The following RPS19 variants were observed in gnomAD, a reference collection of about 807,000 sequenced individuals.
RPS19 encodes the protein ribosomal protein S19, also known as small ribosomal subunit protein eS19.
Under a neutral mutation model 20.3 loss-of-function variants are expected in RPS19, and 1 was observed. That is an observed-to-expected ratio of 0.05 (90% confidence interval 0.02 to 0.23). The LOEUF (loss-of-function observed/expected upper bound fraction) is 0.23, where lower values mean the gene tolerates loss of function less well. RPS19 is among the 10% of genes least tolerant of loss of function. The probability of loss-of-function intolerance (pLI) is 1.00; values close to 1 mark genes in which losing one functional copy is unlikely to be tolerated. For missense variants in RPS19, 111 were observed against 192.7 expected (o/e 0.58, Z 2.51); for synonymous variants, 87 against 74.8 (o/e 1.16, Z -0.84).
chr19:41,860,410 G>T (rs1600607054), intron 1 of RPS19, 121 bp downstream of exon 1: 1 of 224,372 alleles, frequency 4.5e-6, no homozygotes. Context: ...CCCTAGAGCC[G>T]CGGCCACGTG....
At chr19:41,860,374 G>A (rs529714691) in intron 1 of RPS19, 85 bp downstream of exon 1, 1,790 of 159,662 alleles carry the variant, frequency 0.011, 33 homozygotes, top group African/African-American at 0.036. Context: ...AGGGCCCCGA[G>A]GCGCCCGGCG....
At position 41,869,130 on chromosome 19, in the gene RPS19, A is replaced by G; in HGVS notation, c.272A>G (p.His91Arg). ...GRQRNGVMPS[H>R]FSRGSKSVAR... The stretch of plus-strand genomic sequence containing the variant: ...CAGAGAAACGGCGTCATGCCCAGCC[A>G]CTTCAGCCGAGGCTCCAAGAGTGTG... The change falls in exon 4 of 6, where the codon CAC becomes CGC. Residue 91 changes from histidine to arginine, a missense_variant. Physicochemically the swap from His to Arg is conservative, Grantham distance 29. Transcript: ENST00000598742. 6.2e-7 allele frequency: 1 copy of G among 1,613,908 alleles called. No individual in the cohort carries two copies. Among genetic ancestry groups the G allele is most frequent in the Non-Finnish European group, 8.5e-7 (1 of 1,179,894 alleles).
chr19:41,861,233 G>A, intron 3 of RPS19, 21 bp downstream of exon 3: 1 of 1,578,672 alleles, frequency 6.3e-7, no homozygotes, highest in South Asian at 1.1e-5. Context: ...TAGGTCTTTG[G>A]CTGGAGAGTG....
intron 3 of RPS19, chr19:41,865,015 G>A (rs1219017230): frequency 6.6e-6 from 1 of 152,300 alleles, no homozygotes; most frequent in East Asian, 1.9e-4. Context: ...CATGAACTGG[G>A]ATAGCAAGGG....
chr19:41,861,987 G>A (rs555590954), intron 3 of RPS19, among the ~76,000 whole-genome samples: 4 of 152,104 alleles, frequency 2.6e-5, no homozygotes, highest in Non-Finnish European at 1.5e-5. Context: ...CAGGGTGGGC[G>A]GTGGCAGTGC....
intron 1 of RPS19, 139 bp from the exon 2 acceptor site, chr19:41,860,636 G>A (rs540696740): frequency 3.4e-4 from 263 of 783,652 alleles, no homozygotes; most frequent in African/African-American, 3.3e-3. Flanking sequence ...GCCGGAGCCC[G>A]GCGTTGAAGG....
intron 3 of RPS19, among the ~76,000 whole-genome samples, chr19:41,863,247 C>T (rs1474244278): frequency 6.6e-6 from 1 of 152,152 alleles, no homozygotes; most frequent in African/African-American, 2.4e-5. Context: ...TCAAGCGGTC[C>T]TCCCGCCTCA....
chr19:41,861,335 C>T (rs2074029679), intron 3 of RPS19, 123 bp downstream of exon 3: 1 of 733,316 alleles, frequency 1.4e-6, no homozygotes, highest in Non-Finnish European at 2.4e-6. Flanking sequence ...TTGGTTGTGT[C>T]ACCACTTGCT....
intron 3 of RPS19, among the ~76,000 whole-genome samples, chr19:41,862,502 C>A (rs1244456911): frequency 6.6e-6 from 1 of 152,192 alleles, no homozygotes; most frequent in Non-Finnish European, 1.5e-5. Context: ...CCCCATCTTG[C>A]TTTGGCAGTG....
At chr19:41,862,808 T>G (rs1390864806) in intron 3 of RPS19, among the ~76,000 whole-genome samples, 2 of 152,166 alleles carry the variant, frequency 1.3e-5, no homozygotes, top group Non-Finnish European at 2.9e-5. Flanking sequence ...GCCTGCCTAC[T>G]GATCTCCATC....
chr19:41,870,849 C>CTTTTTTTTTTTTTTTTTTTTTTTTTT (rs35987051), intron 5 of RPS19, among the ~76,000 whole-genome samples: 1 of 43,964 alleles, frequency 2.3e-5, no homozygotes, highest in African/African-American at 9.2e-5. Flanking sequence ...CACTCCCTTC[C>CTTTTTTTTTTTTTTTTTTTTTTTTTT]TTTTTTTTTT....
At chr19:41,864,752 G>A (rs2074067508) in intron 3 of RPS19, 1 of 152,212 alleles carries the variant, frequency 6.6e-6, no homozygotes, top group Admixed American at 6.5e-5. Flanking sequence ...AAGGCCTCTA[G>A]CATGGAGGAA....
In RPS19 at chr19:41,869,771, G is replaced by C; in HGVS notation, c.411+18G>C. ...CCGGACAGGTAAGGCCTGCGTTTGG[G>C]GTGGGGCTGGGTCCCTTAGTCGCTG... On this transcript the variant is annotated intron_variant, in intron 5 of 5. Coordinates refer to ENST00000598742, the MANE Select transcript of RPS19 (RefSeq NM_001022.4). 3 of 1,613,282 alleles carry C rather than the reference G, an allele frequency of 1.9e-6. No homozygotes were observed. Among genetic ancestry groups the C allele is most frequent in the Non-Finnish European group, 2.5e-6 (3 of 1,179,218 alleles).
chr19:41,863,381 G>A (rs528663297), intron 3 of RPS19, among the ~76,000 whole-genome samples: 2 of 152,340 alleles, frequency 1.3e-5, no homozygotes, highest in African/African-American at 4.8e-5. Context: ...TTACCAAAGA[G>A]GAAGCTGTGG....
Position 41,869,138 on chromosome 19 carries a change from C to G in RPS19, c.280C>G (p.Arg94Gly). ...CGGCGTCATGCCCAGCCACTTCAGC[C>G]GAGGCTCCAAGAGTGTGGCCCGCCG... Reference protein sequence around the residue: ...RNGVMPSHFSRGSKSVARRVL... With the variant: ...RNGVMPSHFSGGSKSVARRVL... The change falls in exon 4 of 6, where the codon CGA becomes GGA. Residue 94 changes from arginine to glycine, a missense_variant. By Grantham distance (125) the Arg-to-Gly change is moderately radical. Coordinates refer to ENST00000598742, the MANE Select transcript of RPS19 (RefSeq NM_001022.4). 6.2e-7 allele frequency: 1 copy of G among 1,613,910 alleles called. No individual in the cohort carries two copies. The highest frequency in any genetic ancestry group is 8.5e-7 in the Non-Finnish European group (1 of 1,179,916).
intron 3 of RPS19, chr19:41,864,541 T>C (rs1462733194): frequency 2.0e-5 from 3 of 152,230 alleles, no homozygotes; most frequent in African/African-American, 4.8e-5. Context: ...CCGTGCTTGG[T>C]TGGTCTGCCC....
rs2074021648 is a variant in RPS19 at position 41,860,838 on chromosome 19, C to T, written c.64C>T (p.Leu22Phe). ...QEFVRALAAF[L>F]KKSGKLKVPE... is the part of the protein sequence containing the mutation. ...GTTCGTCAGAGCTCTGGCAGCCTTC[C>T]TCAAAAAGTGAGTTTGGGGACTGAG... The change falls in exon 2 of 6, where the codon CTC becomes TTC. Residue 22 changes from leucine to phenylalanine, a missense_variant. By Grantham distance (22) the Leu-to-Phe change is conservative. Coordinates refer to ENST00000598742, the MANE Select transcript of RPS19 (RefSeq NM_001022.4). 2 of 1,613,404 alleles carry T rather than the reference C, an allele frequency of 1.2e-6. No individual in the cohort carries two copies. Among genetic ancestry groups the T allele is most frequent in the African/African-American group, 2.7e-5 (2 of 74,932 alleles).
At chr19:41,860,721 C>G (rs1222255254) in intron 1 of RPS19, 54 bp from the exon 2 acceptor site, 3 of 1,347,260 alleles carry the variant, frequency 2.2e-6, no homozygotes, top group South Asian at 1.2e-5. Context: ...GGTCCGTGCT[C>G]TTGGCAGTCG....
At position 41,869,725 on chromosome 19, in the gene RPS19, A is replaced by G; in HGVS notation, c.383A>G (p.Gln128Arg). 1 of 1,614,176 alleles carries G rather than the reference A, an allele frequency of 6.2e-7. No homozygotes were observed. The highest frequency in any genetic ancestry group is 1.1e-5 in the South Asian group (1 of 91,082). ...GGCCGCAAACTGACACCTCAGGGAC[A>G]AAGAGATCTGGACAGAATCGCCGGA... is the stretch of plus-strand genomic sequence containing the variant. ...DGGRKLTPQG[Q>R]RDLDRIAGQV... The change falls in exon 5 of 6, where the codon CAA (glutamine) becomes CGA (arginine). Residue 128 changes from glutamine to arginine, a missense_variant. Transcript: ENST00000598742.
Sources: gnomAD v4.1 joint callset for allele counts (sites outside exome capture counted in the v4.1 genomes callset) on GRCh38, gnomAD v4.1.1 for gene constraint, MANE v1.5 for transcripts, NCBI Gene and HGNC (gene_info 2026-07-23, HGNC 2026-07-21) for gene names.